PLA2G4A: variants seen among roughly 807,000 people sequenced by gnomAD.
The protein encoded by PLA2G4A is phospholipase A2 group IVA.
In PLA2G4A, 40 loss-of-function variants were observed where a neutral mutation model predicts 81.9. That is an observed-to-expected ratio of 0.49 (90% CI 0.38 to 0.64). PLA2G4A has a LOEUF of 0.64. Ranked by LOEUF, PLA2G4A falls within the 30% of genes least tolerant of loss-of-function variation. The pLI is 0.00. For synonymous variants in PLA2G4A, 302 were observed against 296.9 expected, an observed-to-expected ratio of 1.02 and a Z score of -0.18; for missense variants, 715 against 905.1, an observed-to-expected ratio of 0.79 and a Z score of 2.69.
intron 1 of PLA2G4A, among the ~76,000 whole-genome samples, chr1:186,839,369 A>G (rs1206413844): frequency 6.6e-6 from 1 of 152,132 alleles, no homozygotes; most frequent in Non-Finnish European, 1.5e-5. Context: ...GTCATTCTGC[A>G]CTTTATTCCT....
intron 6 of PLA2G4A, among the ~76,000 whole-genome samples, chr1:186,908,313 G>A (rs921529241): frequency 3.3e-5 from 5 of 151,706 alleles, no homozygotes; most frequent in African/African-American, 1.2e-4. Flanking sequence ...TCATTATACT[G>A]TTCAAAAATT....
intron 1 of PLA2G4A, among the ~76,000 whole-genome samples, chr1:186,843,596 A>G (rs1403511174): frequency 6.6e-6 from 1 of 152,242 alleles, no homozygotes; most frequent in Non-Finnish European, 1.5e-5. Context: ...AAGGAAAGGT[A>G]CAAGGGTCCT....
intron 15 of PLA2G4A, among the ~76,000 whole-genome samples, chr1:186,974,086 G>A (rs1165723420): frequency 1.3e-5 from 2 of 151,348 alleles, no homozygotes; most frequent in Non-Finnish European, 2.9e-5. Flanking sequence ...ATAAATAAAT[G>A]TGTTGTTTCA....
intron 3 of PLA2G4A, among the ~76,000 whole-genome samples, chr1:186,891,675 C>T (rs1411046817): frequency 6.6e-6 from 1 of 152,168 alleles, no homozygotes; most frequent in Non-Finnish European, 1.5e-5. Flanking sequence ...GTATATGTAA[C>T]ACATTTTATT....
At chr1:186,966,337 C>T (rs1353971742) in intron 15 of PLA2G4A, among the ~76,000 whole-genome samples, 1 of 151,762 alleles carries the variant, frequency 6.6e-6, no homozygotes. Flanking sequence ...AGGATGAAGT[C>T]ACATCTCTGG....
At chr1:186,850,819 AT>A (rs1338987070) in intron 1 of PLA2G4A, among the ~76,000 whole-genome samples, 2 of 151,950 alleles carry the variant, frequency 1.3e-5, no homozygotes, top group Non-Finnish European at 2.9e-5. Flanking sequence ...CTGATTCACC[AT>A]TTTTTTGCTC....
intron 2 of PLA2G4A, among the ~76,000 whole-genome samples, chr1:186,858,959 T>A (rs971420380): frequency 1.6e-4 from 25 of 152,016 alleles, no homozygotes; most frequent in African/African-American, 5.1e-4. Context: ...TTAAAAAAAA[T>A]TTCCTGCTCT....
At chr1:186,855,287 T>G (rs1652510093) in intron 2 of PLA2G4A, among the ~76,000 whole-genome samples, 1 of 151,958 alleles carries the variant, frequency 6.6e-6, no homozygotes, top group African/African-American at 2.4e-5. Context: ...ACTCTGCTGC[T>G]CATTACTGTT....
intron 2 of PLA2G4A, among the ~76,000 whole-genome samples, chr1:186,864,708 ACC>A: frequency 6.6e-6 from 1 of 151,352 alleles, no homozygotes; most frequent in East Asian, 1.9e-4. Flanking sequence ...TATTCTGGAT[ACC>A]AGTCCCTATA....
At chr1:186,923,232 C>T (rs1462598762) in intron 7 of PLA2G4A, among the ~76,000 whole-genome samples, 1 of 152,176 alleles carries the variant, frequency 6.6e-6, no homozygotes, top group Non-Finnish European at 1.5e-5. Flanking sequence ...TTTATCATGT[C>T]AGGCTAATTA....
chr1:186,972,905 G>A (rs1657404643), intron 15 of PLA2G4A, among the ~76,000 whole-genome samples: 1 of 152,090 alleles, frequency 6.6e-6, no homozygotes, highest in Non-Finnish European at 1.5e-5. Flanking sequence ...ACAATCACCT[G>A]ATTTATTTGT....
intron 14 of PLA2G4A, 114 bp from the exon 15 acceptor site, chr1:186,965,295 G>T: frequency 1.3e-6 from 1 of 782,914 alleles, no homozygotes. Context: ...TGTCTCCAAA[G>T]CCTGAGGGCC....
intron 15 of PLA2G4A, among the ~76,000 whole-genome samples, chr1:186,974,320 C>A (rs941064698): frequency 3.3e-5 from 5 of 152,036 alleles, no homozygotes; most frequent in Admixed American, 6.5e-5. Context: ...TATGGTGAAA[C>A]CCCTTCTCTA....
intron 3 of PLA2G4A, among the ~76,000 whole-genome samples, chr1:186,881,960 G>A (rs1653750119): frequency 6.6e-6 from 1 of 152,062 alleles, no homozygotes; most frequent in Admixed American, 6.6e-5. Context: ...CTGCTATCAT[G>A]GAGTTTACAG....
chr1:186,939,433 T>G (rs1015669024), intron 9 of PLA2G4A, among the ~76,000 whole-genome samples: 2 of 152,108 alleles, frequency 1.3e-5, no homozygotes, highest in South Asian at 4.2e-4. Flanking sequence ...TACTAATTCA[T>G]TTCAATGATG....
intron 5 of PLA2G4A, among the ~76,000 whole-genome samples, chr1:186,906,113 C>G (rs952564755): frequency 3.3e-5 from 5 of 152,100 alleles, no homozygotes; most frequent in African/African-American, 1.2e-4. Flanking sequence ...TAACCTGATA[C>G]AATAAAAATA....
intron 3 of PLA2G4A, among the ~76,000 whole-genome samples, chr1:186,877,401 C>CT (rs1185632539): frequency 6.6e-6 from 1 of 152,028 alleles, no homozygotes; most frequent in Non-Finnish European, 1.5e-5. Context: ...TCAACGTCAT[C>CT]TTTGTATGAA....
chr1:186,936,514 TA>T (rs1227368992), intron 8 of PLA2G4A, among the ~76,000 whole-genome samples: 2 of 152,090 alleles, frequency 1.3e-5, no homozygotes, highest in East Asian at 3.9e-4. Flanking sequence ...GGTTTCAAGA[TA>T]TTTCCTTAAC....
chr1:186,881,549 C>G (rs12720525), intron 3 of PLA2G4A, among the ~76,000 whole-genome samples: 1,584 of 152,176 alleles, frequency 0.01, 23 homozygotes, highest in African/African-American at 0.036. Context: ...CTGGAGGGAG[C>G]AGGGGCTGCT....
Sources: gnomAD v4.1 joint callset for allele counts (sites outside exome capture counted in the v4.1 genomes callset) on GRCh38, gnomAD v4.1.1 for gene constraint, MANE v1.5 for transcripts, NCBI Gene and HGNC (gene_info 2026-07-23, HGNC 2026-07-21) for gene names.